The following LRRC23 variants were observed in gnomAD, a reference collection of about 807,000 sequenced individuals.
The protein encoded by LRRC23 is leucine rich repeat containing 23, also known as leucine-rich repeat-containing protein 23.
A neutral mutation model predicts 37.7 loss-of-function variants in LRRC23; 28 were observed. The ratio of observed to expected loss-of-function variants is 0.74; its 90% CI spans 0.55 to 1.02. LRRC23 has a LOEUF of 1.02. LRRC23 is among the 50% of genes least tolerant of loss of function. The pLI is 0.00. For missense variants in LRRC23, 377 were observed against 413.2 expected, an observed-to-expected ratio of 0.91 and a Z score of 0.76; for synonymous variants, 161 against 165.4, an observed-to-expected ratio of 0.97 and a Z score of 0.20.
chr12:6,913,674 C>T (rs931663703), intron 7 of LRRC23: 20 of 224,714 alleles, frequency 8.9e-5, no homozygotes, highest in Admixed American at 2.3e-4. Context: ...AAGCAATTCT[C>T]CTGCCTCAGC....
intron 5 of LRRC23, among the ~76,000 whole-genome samples, chr12:6,908,646 G>A (rs1450641064): frequency 9.5e-5 from 11 of 115,954 alleles, no homozygotes; most frequent in Middle Eastern, 5.9e-3. Flanking sequence ...GTGAAACCCC[G>A]TCTCTACTAA....
Position 6,909,997 on chromosome 12 carries a change from A to T in LRRC23, c.729A>T (p.Glu243Asp), listed in dbSNP as rs782340283. Residue 243 changes from glutamate (E) to aspartate (D), a missense_variant, in exon 6 of 8, where the codon GAA becomes GAT. By Grantham distance (45) the Glu-to-Asp change is conservative. Transcript: ENST00000443597. ...ACACCCTGAGTGGCTTCTCCAGAGA[A>T]ATGAAATCATTGCAGTACCTCAACC... ...QIDTLSGFSR[E>D]MKSLQYLNLR... 1 of 1,613,512 alleles carries T rather than the reference A, an allele frequency of 6.2e-7. No homozygotes were observed. Among genetic ancestry groups the T allele is most frequent in the Non-Finnish European group, 8.5e-7 (1 of 1,179,790 alleles).
At chr12:6,906,976 G>A (rs924407465) in intron 4 of LRRC23, among the ~76,000 whole-genome samples, 1 of 152,148 alleles carries the variant, frequency 6.6e-6, no homozygotes, top group Non-Finnish European at 1.5e-5. Flanking sequence ...CAGAGTAAGA[G>A]GAATGGGGGA....
chr12:6,913,922 CAG>C lies in LRRC23; in HGVS notation c.*58_*59del. 1 of 1,608,488 alleles carries C rather than the reference CAG, an allele frequency of 6.2e-7. No individual in the cohort carries two copies. Among genetic ancestry groups the C allele is most frequent in the East Asian group, 2.2e-5 (1 of 44,816 alleles). On this transcript the variant is annotated 3_prime_UTR_variant, in exon 8 of 8. Coordinates refer to ENST00000443597, the MANE Select transcript of LRRC23 (RefSeq NM_001135217.2). Reference sequence around the variant, plus strand: ...AAAGACGCTGGCCTTCAGACCTGATCAGACTCCCAGGGGCAGCCACCACATGT... The same window carrying C: ...AAAGACGCTGGCCTTCAGACCTGATCACTCCCAGGGGCAGCCACCACATGT...
chr12:6,912,890 T>A lies in LRRC23; in HGVS notation c.919T>A (p.Tyr307Asn). The part of the protein sequence containing the change: ...PYLERLDKEF[Y>N]EEEERAEADV... ...CCTTGAACGCCTGGACAAGGAATTC[T>A]ATGAGGAGGAGGAACGGGCTGAGGC... Residue 307 changes from tyrosine to asparagine, a missense_variant, in exon 7 of 8, where the codon TAT (tyrosine) becomes AAT (asparagine). By Grantham distance (143) the Tyr-to-Asn change is moderately radical (BLOSUM62 -2). Coordinates refer to ENST00000443597, the MANE Select transcript of LRRC23 (RefSeq NM_001135217.2). 1 of 1,614,032 alleles carries A rather than the reference T, an allele frequency of 6.2e-7. No homozygotes were observed. The highest frequency in any genetic ancestry group is 1.1e-5 in the South Asian group (1 of 91,072).
intron 1 of LRRC23, 60 bp from the exon 2 acceptor site, chr12:6,905,525 G>C (rs781894982): frequency 1.9e-6 from 2 of 1,059,728 alleles, no homozygotes; most frequent in Non-Finnish European, 2.9e-6. Context: ...GGAGTGGCAC[G>C]TGTCAATGAC....
rs1248085636 is a variant in LRRC23, at chr12:6,913,551, G to GTTTTTTTTTTTTTTTT, written c.*25-337_*25-336insTTTTTTTTTTTTTTTT. ...TAGGGGAGAGGCTTTATTTACCTCT[G>GTTTTTTTTTTTTTTTT]TTTGTTTTTTTTTTTTTTTTTTTTT... On this transcript the variant is annotated intron_variant, in intron 7 of 7. Coordinates refer to ENST00000443597, the MANE Select transcript of LRRC23 (RefSeq NM_001135217.2). 1.1e-3 allele frequency among the ~76,000 whole-genome samples: 86 copies of GTTTTTTTTTTTTTTTT among 78,174 alleles called. 31 individuals carry two copies. The highest frequency in any genetic ancestry group is 4.0e-3 in the African/African-American group (79 of 19,546). The allele number at this position is 78,174 out of a possible 152,430, so 51.3% of individuals were successfully genotyped here. A position where few individuals can be genotyped will look rare whatever the true frequency, so the allele number is the denominator to read the frequency against.
In LRRC23 at chr12:6,907,062, A is replaced by G. The variant is rs1944966813; in HGVS notation, c.491-253A>G. Among the ~76,000 whole-genome samples the G allele has an allele frequency of 2.0e-5, 3 of 152,282 alleles. No homozygotes were observed. In the South Asian group the frequency reaches 6.2e-4, roughly 32 times the overall value. ...ATGACATTTGAGCAAAGAATTGAAG[A>G]AGGAGAGGGAATTAGACATGTCAGC... On this transcript the variant is annotated intron_variant, in intron 4 of 7. Transcript: ENST00000443597.
chr12:6,906,439 C>T lies in LRRC23; in HGVS notation c.267C>T (p.Ser89=). 6.2e-7 allele frequency: 1 copy of T among 1,614,134 alleles called. No homozygotes were observed. The highest frequency in any genetic ancestry group is 8.5e-7 in the Non-Finnish European group (1 of 1,180,018). ...TGACAGACATCTACTTGCTGCGCTC[C>T]TACATCCATCTGCGCTATGTGGATA... The part of the protein sequence containing the change: ...RDLTDIYLLR[S]YIHLRYVDIS... Residue 89 remains serine, a synonymous_variant, in exon 4 of 8, where the codon TCC becomes TCT. Coordinates refer to ENST00000443597, the MANE Select transcript of LRRC23 (RefSeq NM_001135217.2).
rs1565553450 is a variant in LRRC23, at chr12:6,909,112, TACATA to T, written c.622-777_622-773del. Among the ~76,000 whole-genome samples, 13 of 19,966 alleles carry T rather than the reference TACATA, an allele frequency of 6.5e-4. 2 individuals carry two copies. In the South Asian group the frequency reaches 6.9e-3, roughly 11 times the overall value. 13.1% of individuals were successfully genotyped at this position (19,966 alleles called of 152,430 possible). ...TTATATATTATATATAATATATAAT[TACATA>T]TAATATATAATATATAATTATATAT... On this transcript the variant is annotated intron_variant, in intron 5 of 7. Coordinates refer to ENST00000443597, the MANE Select transcript of LRRC23 (RefSeq NM_001135217.2).
At chr12:6,913,301 A>G (rs1945215307) in intron 7 of LRRC23, 1 of 427,636 alleles carries the variant, frequency 2.3e-6, no homozygotes, top group Non-Finnish European at 4.3e-6. Flanking sequence ...GCCATACCTG[A>G]CACAGAGTGA....
At chr12:6,908,719 G>T (rs1945018904) in intron 5 of LRRC23, among the ~76,000 whole-genome samples, 1 of 150,618 alleles carries the variant, frequency 6.6e-6, no homozygotes, top group African/African-American at 2.4e-5. Context: ...AGCTACTCGG[G>T]AGGCTGAGGC....
At chr12:6,907,179 T>C (rs1591636659) in intron 4 of LRRC23, 136 bp from the exon 5 acceptor site, 2 of 981,992 alleles carry the variant, frequency 2.0e-6, no homozygotes, top group Non-Finnish European at 3.1e-6. Flanking sequence ...TCCAGAGGTA[T>C]TAAGTCTGGA....
chr12:6,912,604 C>G, intron 6 of LRRC23, 126 bp from the exon 7 acceptor site: 1 of 847,242 alleles, frequency 1.2e-6, no homozygotes, highest in East Asian at 2.4e-5. Context: ...CAAGGCTTGG[C>G]AGGCCAGTCC....
intron 4 of LRRC23, among the ~76,000 whole-genome samples, 188 bp from the exon 5 acceptor site, chr12:6,907,127 A>T (rs1162505147): frequency 2.0e-5 from 3 of 152,188 alleles, no homozygotes; most frequent in Non-Finnish European, 4.4e-5. Context: ...GGATATGTCC[A>T]TCAGGACCTT....
At position 6,905,552 on chromosome 12, in the gene LRRC23, G is replaced by C. The variant is rs781976097; in HGVS notation, c.-49-33G>C. On this transcript the variant is annotated intron_variant, in intron 1 of 7. Coordinates refer to ENST00000443597, the MANE Select transcript of LRRC23 (RefSeq NM_001135217.2). ...GTCAATGACGATGAAGGAGCTGAAG[G>C]CTGGCAGAAGCTGATGAGACCTTCT... 3.5e-6 allele frequency: 5 copies of C among 1,447,620 alleles called. No individual in the cohort carries two copies. In the South Asian group the frequency reaches 3.5e-5, roughly 10 times the overall value. The allele number at this position is 1,447,620 out of a possible 1,614,324, so 89.7% of individuals were successfully genotyped here.
chr12:6,913,256 G>A lies in LRRC23; in HGVS notation c.*24+229G>A. ...CAGAAGAGTAAGTGAAAAGAATTGG[G>A]GTGGCAGGCAGAGGAGTTGGTGGGG... On this transcript the variant is annotated intron_variant, in intron 7 of 7. Transcript: ENST00000443597. 1.7e-5 allele frequency: 9 copies of A among 523,696 alleles called. No homozygotes were observed. In the South Asian group the frequency reaches 1.9e-4, roughly 11 times the overall value. 32.4% of individuals were successfully genotyped at this position (523,696 alleles called of 1,614,324 possible). A position where few individuals can be genotyped will look rare whatever the true frequency, so the allele number is the denominator to read the frequency against.
chr12:6,910,018 CA>C lies in LRRC23; in HGVS notation c.752del (p.Asn251ThrfsTer2), dbSNP rs782211588. 2.5e-6 allele frequency: 4 copies of C among 1,610,744 alleles called. No homozygotes were observed. The African/African-American group carries it at 5.3e-5, about 22-fold the overall frequency. ...SREMKSLQYLNLRGNMVANLG... is the reference protein window; with the variant it reads ...SREMKSLQYLXLRGNMVANLG... ...GAGAAATGAAATCATTGCAGTACCT[CA>C]ACCTGAGGTATGCACCCTCTCCAAG... On this transcript the variant is annotated frameshift_variant, in exon 6 of 8. Transcript: ENST00000443597. LOFTEE classifies it high-confidence loss of function.
intron 6 of LRRC23, among the ~76,000 whole-genome samples, chr12:6,910,902 G>A (rs1555140638): frequency 6.6e-6 from 1 of 152,126 alleles, no homozygotes; most frequent in Admixed American, 6.5e-5. Context: ...GGGTGACAGA[G>A]TGAGCTGTCT....
Sources: allele counts gnomAD v4.1 joint callset (sites outside exome capture counted in the v4.1 genomes callset), GRCh38; gene constraint gnomAD v4.1.1; transcripts MANE v1.5; gene names NCBI Gene and HGNC (gene_info 2026-07-23, HGNC 2026-07-21).